RNLS: variants seen among roughly 807,000 people sequenced by gnomAD.
RNLS encodes renalase.
Under a neutral mutation model 39.8 loss-of-function variants are expected in RNLS, and 39 were observed. The observed-to-expected ratio is 0.98, with a 90% CI of 0.76 to 1.28. RNLS has a LOEUF of 1.28. Ranked by LOEUF, RNLS falls within the 50% of genes most tolerant of loss-of-function variation. The pLI is 0.00. For missense variants in RNLS, 410 were observed against 413.3 expected, an observed-to-expected ratio of 0.99 and a Z score of 0.07; for synonymous variants, 147 against 150.7, an observed-to-expected ratio of 0.98 and a Z score of 0.18.
At chr10:88,553,607 A>G (rs1437205633) in intron 4 of RNLS, among the ~76,000 whole-genome samples, 1 of 152,202 alleles carries the variant, frequency 6.6e-6, no homozygotes, top group Non-Finnish European at 1.5e-5. Context: ...GCTTCCTAGT[A>G]AAGGAGCAGA....
chr10:88,307,718 A>G lies in RNLS; in HGVS notation c.876+6748T>C, dbSNP rs139006973. ...GGAAAAGCATTTCATGCTCATGGAT[A>G]GGAAGAATCAATATTGTTAAAATGG... On this transcript the variant is annotated intron_variant, in intron 6 of 6. Coordinates refer to ENST00000331772, the MANE Select transcript of RNLS (RefSeq NM_001031709.3). Among the ~76,000 whole-genome samples, 434 of 152,372 alleles carry G rather than the reference A, an allele frequency of 2.8e-3. 2 individuals are homozygous for G. The highest frequency in any genetic ancestry group is 8.9e-3 in the African/African-American group (370 of 41,594).
chr10:88,535,995 G>C (rs775273002), intron 4 of RNLS, among the ~76,000 whole-genome samples: 1 of 152,156 alleles, frequency 6.6e-6, no homozygotes, highest in African/African-American at 2.4e-5. Context: ...AAATAGAATT[G>C]AGAGATCTGA....
At chr10:88,272,146 G>A (rs17110523), downstream of RNLS, among the ~76,000 whole-genome samples, 28,880 of 152,082 alleles carry the variant, frequency 0.19, 2,889 homozygotes, top group South Asian at 0.27. Context: ...GAACTGTTGC[G>A]TGCAGGGGTT....
chr10:88,364,266 C>T (rs894473825), intron 4 of RNLS, among the ~76,000 whole-genome samples: 2 of 152,010 alleles, frequency 1.3e-5, no homozygotes, highest in African/African-American at 4.8e-5. Flanking sequence ...AAGTGAACCT[C>T]AAGGATGAGG....
intron 4 of RNLS, among the ~76,000 whole-genome samples, chr10:88,543,188 C>T (rs1385469009): frequency 2.0e-5 from 3 of 152,112 alleles, no homozygotes; most frequent in East Asian, 1.9e-4. Context: ...CCTAATTCCT[C>T]ATGCTATTTG....
At chr10:88,540,816 A>AT (rs1039317126) in intron 4 of RNLS, among the ~76,000 whole-genome samples, 76 of 152,148 alleles carry the variant, frequency 5.0e-4, no homozygotes, top group African/African-American at 1.7e-3. Flanking sequence ...ATAGTAGCAT[A>AT]TTTTTTCACA....
chr10:88,492,322 G>T (rs1395232665), intron 4 of RNLS, among the ~76,000 whole-genome samples: 16 of 151,954 alleles, frequency 1.1e-4, no homozygotes, highest in Non-Finnish European at 2.1e-4. Context: ...CCAATAAGTG[G>T]TATTGGAGGC....
At chr10:88,177,949 T>C in the RNLS span, among the ~76,000 whole-genome samples, 1,715 of 152,274 alleles carry the variant, frequency 0.011, 28 homozygotes, top group African/African-American at 0.038. Context: ...GTAGCACATG[T>C]GGGCATGCAG....
intron 5 of RNLS, among the ~76,000 whole-genome samples, chr10:88,336,016 A>C (rs1316981289): frequency 6.6e-6 from 1 of 152,250 alleles, no homozygotes; most frequent in Non-Finnish European, 1.5e-5. Flanking sequence ...GGACCTAAGA[A>C]GTATGGATAG....
At chr10:88,388,383 A>T (rs970338172) in intron 4 of RNLS, among the ~76,000 whole-genome samples, 5 of 152,116 alleles carry the variant, frequency 3.3e-5, no homozygotes, top group Admixed American at 3.3e-4. Context: ...CTTGAAATCC[A>T]TTCTCTGGAC....
At chr10:88,480,346 G>A (rs1350630962) in intron 4 of RNLS, among the ~76,000 whole-genome samples, 1 of 152,218 alleles carries the variant, frequency 6.6e-6, no homozygotes, top group Admixed American at 6.5e-5. Context: ...CTAATTTATT[G>A]TTTCCTGAGA....
chr10:88,567,573 C>T (rs1564907315), intron 4 of RNLS, among the ~76,000 whole-genome samples: 1 of 152,130 alleles, frequency 6.6e-6, no homozygotes, highest in African/African-American at 2.4e-5. Flanking sequence ...ACCTCCATGG[C>T]AATAAATTAT....
At chr10:88,563,787 T>C (rs1209059759) in intron 4 of RNLS, among the ~76,000 whole-genome samples, 1 of 152,162 alleles carries the variant, frequency 6.6e-6, no homozygotes, top group Non-Finnish European at 1.5e-5. Context: ...ATAGTTCATT[T>C]AAAAACCTAG....
the RNLS span, among the ~76,000 whole-genome samples, chr10:88,235,612 C>T: frequency 6.6e-6 from 1 of 152,198 alleles, no homozygotes; most frequent in Non-Finnish European, 1.5e-5. Context: ...TCCACCCCTC[C>T]ACCTAGATTC....
chr10:88,559,102 C>T (rs979166699), intron 4 of RNLS, among the ~76,000 whole-genome samples: 2 of 152,130 alleles, frequency 1.3e-5, no homozygotes, highest in Non-Finnish European at 2.9e-5. Flanking sequence ...ATTTCGTTCT[C>T]ATTTTTCCAT....
chr10:88,233,167 C>T, the RNLS span, among the ~76,000 whole-genome samples: 1 of 152,218 alleles, frequency 6.6e-6, no homozygotes, highest in Non-Finnish European at 1.5e-5. Context: ...GACTGGACTG[C>T]AGTCTGCAAG....
At chr10:88,557,631 T>A (rs1243480096) in intron 4 of RNLS, among the ~76,000 whole-genome samples, 1 of 152,180 alleles carries the variant, frequency 6.6e-6, no homozygotes, top group Admixed American at 6.6e-5. Context: ...TATCCTTCCC[T>A]TCCTCTCTTT....
intron 4 of RNLS, among the ~76,000 whole-genome samples, chr10:88,523,970 C>G (rs1052018575): frequency 6.6e-6 from 1 of 152,126 alleles, no homozygotes; most frequent in African/African-American, 2.4e-5. Context: ...AATATTATAT[C>G]TGGTTAAACA....
intron 4 of RNLS, among the ~76,000 whole-genome samples, chr10:88,417,638 T>A (rs1248016324): frequency 6.6e-6 from 1 of 152,194 alleles, no homozygotes; most frequent in Non-Finnish European, 1.5e-5. Context: ...AAAGGCCAGC[T>A]CCTGAAATAT....
Sources: gnomAD v4.1 joint callset for allele counts (sites outside exome capture counted in the v4.1 genomes callset) on GRCh38, gnomAD v4.1.1 for gene constraint, MANE v1.5 for transcripts, NCBI Gene and HGNC (gene_info 2026-07-23, HGNC 2026-07-21) for gene names.